Variants in DNM2 observed in about 807,000 individuals in gnomAD.
The protein encoded by DNM2 is dynamin-2.
DNM2 carries 15 observed loss-of-function variants against 99.0 expected under a neutral mutation model. The ratio of observed to expected loss-of-function variants is 0.15; its 90% CI spans 0.10 to 0.23. The LOEUF (loss-of-function observed/expected upper bound fraction) is 0.23, where lower values mean the gene tolerates loss of function less well. Among genes scored for constraint, DNM2 ranks in the 10% least tolerant of loss-of-function variants. The pLI is 1.00. For missense variants in DNM2, 742 were observed against 1,189.4 expected (o/e 0.62, Z 5.53); for synonymous variants, 525 against 481.2 (o/e 1.09, Z -1.19).
intron 6 of DNM2, among the ~76,000 whole-genome samples, chr19:10,784,649 C>A (rs2071491878): frequency 6.6e-6 from 1 of 152,114 alleles, no homozygotes; most frequent in Non-Finnish European, 1.5e-5. Context: ...CCCTGCCTTT[C>A]TAGGCAGCCC....
intron 7 of DNM2, among the ~76,000 whole-genome samples, chr19:10,789,257 G>A (rs1163927496): frequency 6.6e-6 from 1 of 152,178 alleles, no homozygotes; most frequent in Non-Finnish European, 1.5e-5. Flanking sequence ...CTACTAGACT[G>A]AAGGAAGTGT....
chr19:10,772,705 C>A lies in DNM2; in HGVS notation c.385+77C>A. On this transcript the variant is annotated intron_variant, in intron 3 of 20. Transcript: ENST00000389253. This position sits in a 1 kb window ranked among gnomAD's most constrained non-coding sequence, Gnocchi z 4.9. ...ACAGTGCTATGGGTGAGCCTGTGTA[C>A]TTCCACTCATGGGTATCATGTGCCC... 1.3e-6 allele frequency: 2 copies of A among 1,597,074 alleles called. No individual in the cohort carries two copies. The highest frequency in any genetic ancestry group is 1.7e-6 in the Non-Finnish European group (2 of 1,170,572).
At position 10,742,327 on chromosome 19, in the gene DNM2, C is replaced by T. The variant is rs192413382; in HGVS notation, c.162-17411C>T. Among the ~76,000 whole-genome samples, 25 of 152,284 alleles carry T rather than the reference C, an allele frequency of 1.6e-4. No individual in the cohort carries two copies. The East Asian group carries it at 4.6e-3, about 28-fold the overall frequency. On this transcript the variant is annotated intron_variant, in intron 1 of 20. Coordinates refer to ENST00000389253, the MANE Select transcript of DNM2 (RefSeq NM_001005361.3). The stretch of plus-strand genomic sequence containing the variant: ...TTGCTGGGGTGCCAAGAAGAAGGGT[C>T]TGTGCCTGTTGTGGTGCCAGGCATT...
chr19:10,786,439 G>A (rs1031683126), intron 6 of DNM2, 125 bp from the exon 7 acceptor site: 3 of 1,426,542 alleles, frequency 2.1e-6, no homozygotes, highest in Non-Finnish European at 2.9e-6. Flanking sequence ...GTCTCTCAAG[G>A]CTGTGTGGTG....
At chr19:10,751,155 T>C (rs1458984674) in intron 1 of DNM2, among the ~76,000 whole-genome samples, 2 of 151,002 alleles carry the variant, frequency 1.3e-5, no homozygotes, top group Non-Finnish European at 3.0e-5. Flanking sequence ...TGAATGGGGG[T>C]GAGAGAAGTC....
At chr19:10,722,533 C>T (rs558798966) in intron 1 of DNM2, among the ~76,000 whole-genome samples, 6 of 150,092 alleles carry the variant, frequency 4.0e-5, no homozygotes, top group Non-Finnish European at 7.4e-5. Context: ...TTAGTAGAGA[C>T]GAGGTTTCAC....
At chr19:10,768,850 A>G in intron 2 of DNM2, 1 of 152,282 alleles carries the variant, frequency 6.6e-6, no homozygotes, top group East Asian at 1.9e-4. Context: ...CCCTGGTGGC[A>G]TGGACATTCA....
At chr19:10,748,385 G>T (rs2070070320) in intron 1 of DNM2, among the ~76,000 whole-genome samples, 1 of 152,158 alleles carries the variant, frequency 6.6e-6, no homozygotes, top group Non-Finnish European at 1.5e-5. Context: ...GGCCAGGGGA[G>T]CCCCAGGTCT....
chr19:10,741,021 A>G (rs1403238373), intron 1 of DNM2, among the ~76,000 whole-genome samples: 5 of 152,200 alleles, frequency 3.3e-5, no homozygotes, highest in East Asian at 3.9e-4. Context: ...AGAATGTTCC[A>G]TATGCACATG....
intron 1 of DNM2, among the ~76,000 whole-genome samples, chr19:10,738,524 T>A (rs889544737): frequency 1.3e-5 from 2 of 151,444 alleles, no homozygotes; most frequent in Non-Finnish European, 2.9e-5. Context: ...TGGCCACAGT[T>A]GGAGGCCAGG....
At chr19:10,755,648 TTTTTGTA>T (rs1337526031) in intron 1 of DNM2, among the ~76,000 whole-genome samples, 1 of 151,244 alleles carries the variant, frequency 6.6e-6, no homozygotes, top group South Asian at 2.1e-4. Context: ...TGTCTTTTTT[TTTTTGTA>T]TTTTGTATTG....
At chr19:10,774,813 G>C (rs961344876) in intron 3 of DNM2, among the ~76,000 whole-genome samples, 1 of 135,474 alleles carries the variant, frequency 7.4e-6, no homozygotes, top group African/African-American at 2.8e-5. Context: ...GTTTAACACT[G>C]TTGGCCAAGC....
intron 13 of DNM2, among the ~76,000 whole-genome samples, chr19:10,808,206 C>T (rs529953033): frequency 1.3e-5 from 2 of 152,084 alleles, no homozygotes; most frequent in South Asian, 4.2e-4. Flanking sequence ...TGCCTATGTC[C>T]CTCCCTTCTC....
At position 10,772,107 on chromosome 19, in the gene DNM2, G is replaced by A. The variant is rs2071001625; in HGVS notation, c.236-372G>A. Among the ~76,000 whole-genome samples, 1 of 150,420 alleles carries A rather than the reference G, an allele frequency of 6.6e-6. No individual in the cohort carries two copies. The highest frequency in any genetic ancestry group is 1.5e-5 in the Non-Finnish European group (1 of 67,792). On this transcript the variant is annotated intron_variant, in intron 2 of 20. Transcript: ENST00000389253. This position sits in a 1 kb window ranked among gnomAD's most constrained non-coding sequence, Gnocchi z 4.9. ...TATTTTTTTATTTTTTTGAGATGGA[G>A]TCTTCTCTGTCTCCCAGGCTAGAGT...
intron 7 of DNM2, among the ~76,000 whole-genome samples, chr19:10,789,619 G>A (rs2071682450): frequency 6.6e-6 from 1 of 151,966 alleles, no homozygotes; most frequent in Non-Finnish European, 1.5e-5. Flanking sequence ...GATCACTTGA[G>A]GTCAGGAGTT....
chr19:10,779,164 G>A (rs2071257241), intron 5 of DNM2, among the ~76,000 whole-genome samples: 1 of 150,852 alleles, frequency 6.6e-6, no homozygotes, highest in African/African-American at 2.4e-5. Flanking sequence ...GCAGCGAGCT[G>A]AGATGGCGCC....
intron 1 of DNM2, among the ~76,000 whole-genome samples, chr19:10,747,889 G>C (rs1490607606): frequency 6.6e-6 from 1 of 152,136 alleles, no homozygotes; most frequent in Non-Finnish European, 1.5e-5. Flanking sequence ...GGTGCAGTTT[G>C]CTGGGAGCTG....
rs563212537 is a variant in DNM2, at chr19:10,741,642, C to T, written c.162-18096C>T. Among the ~76,000 whole-genome samples the T allele has an allele frequency of 2.2e-4, 34 of 151,816 alleles. 1 individual carries two copies. In the South Asian group the frequency reaches 4.0e-3, roughly 18 times the overall value. Reference sequence around the variant, plus strand: ...TTGGCTCACTGCAAGCTCCGCCTCCCGGGTTCACGCCATTCTCCTGCCTCA... The same window carrying T: ...TTGGCTCACTGCAAGCTCCGCCTCCTGGGTTCACGCCATTCTCCTGCCTCA... On this transcript the variant is annotated intron_variant, in intron 1 of 20. Coordinates refer to ENST00000389253, the MANE Select transcript of DNM2 (RefSeq NM_001005361.3).
chr19:10,750,369 C>T (rs1334727914), intron 1 of DNM2, among the ~76,000 whole-genome samples: 1 of 151,882 alleles, frequency 6.6e-6, no homozygotes, highest in African/African-American at 2.4e-5. Flanking sequence ...GTCCCAGTTA[C>T]TTGGGAGGCT....
Sources: gnomAD v4.1 joint callset for allele counts (sites outside exome capture counted in the v4.1 genomes callset) on GRCh38, gnomAD v4.1.1 for gene constraint, Gnocchi (gnomAD v3.1) non-coding constraint, MANE v1.5 for transcripts, NCBI Gene and HGNC (gene_info 2026-07-23, HGNC 2026-07-21) for gene names.